GRIK2: variants seen among roughly 807,000 people sequenced by gnomAD.
GRIK2 encodes glutamate ionotropic receptor kainate type subunit 2.
GRIK2 carries 32 observed loss-of-function variants against 100.3 expected under a neutral mutation model. The observed-to-expected ratio is 0.32, with a 90% CI of 0.24 to 0.43. The LOEUF (loss-of-function observed/expected upper bound fraction) is 0.43, where lower values mean the gene tolerates loss of function less well. Among genes scored for constraint, GRIK2 ranks in the 20% least tolerant of loss-of-function variants. The probability of loss-of-function intolerance (pLI) is 1.00; values close to 1 mark genes in which losing one functional copy is unlikely to be tolerated. For missense variants in GRIK2, 843 were observed against 1,114.9 expected (o/e 0.76, Z 3.47); for synonymous variants, 417 against 389.4 (o/e 1.07, Z -0.83).
At chr6:101,975,017 C>T (rs1371093590) in intron 14 of GRIK2, among the ~76,000 whole-genome samples, 1 of 151,824 alleles carries the variant, frequency 6.6e-6, no homozygotes, top group Non-Finnish European at 1.5e-5. Flanking sequence ...AATATTCAAA[C>T]ATGAAAAGAA....
chr6:102,001,103 C>T (rs1020498565), intron 14 of GRIK2, among the ~76,000 whole-genome samples: 2 of 151,746 alleles, frequency 1.3e-5, no homozygotes, highest in Admixed American at 6.6e-5. Context: ...TTTGCCATAA[C>T]ATAACATAAC....
chr6:101,947,579 A>G (rs1289228093), intron 14 of GRIK2, among the ~76,000 whole-genome samples: 1 of 152,152 alleles, frequency 6.6e-6, no homozygotes, highest in African/African-American at 2.4e-5. Context: ...AGCTGAGAAA[A>G]TGTGATATAA....
At chr6:101,738,360 T>C (rs1775813433) in intron 7 of GRIK2, among the ~76,000 whole-genome samples, 1 of 152,170 alleles carries the variant, frequency 6.6e-6, no homozygotes, top group South Asian at 2.1e-4. Flanking sequence ...CTTTAATTCT[T>C]TTCAGAAGCA....
chr6:101,997,738 T>G (rs1037616862), intron 14 of GRIK2, among the ~76,000 whole-genome samples: 4 of 151,972 alleles, frequency 2.6e-5, no homozygotes, highest in African/African-American at 9.7e-5. Flanking sequence ...AAAGTCTTAA[T>G]TACATTCTAT....
intron 2 of GRIK2, among the ~76,000 whole-genome samples, chr6:101,425,425 A>G (rs1213161296): frequency 2.0e-5 from 3 of 152,180 alleles, no homozygotes; most frequent in African/African-American, 7.2e-5. Flanking sequence ...TTCTATAATT[A>G]TATTGCATAA....
chr6:101,395,542 G>A (rs185334625), intron 1 of GRIK2, among the ~76,000 whole-genome samples: 328 of 152,252 alleles, frequency 2.2e-3, no homozygotes, highest in Middle Eastern at 0.02. Flanking sequence ...ACCCCAGCAG[G>A]TGGCAGCTAA....
chr6:101,798,806 T>A, intron 7 of GRIK2, among the ~76,000 whole-genome samples: 1 of 152,268 alleles, frequency 6.6e-6, no homozygotes, highest in African/African-American at 2.4e-5. Flanking sequence ...AGGGTCCATT[T>A]AACACAGCAC....
intron 7 of GRIK2, among the ~76,000 whole-genome samples, chr6:101,727,560 G>T (rs1469268094): frequency 6.6e-6 from 1 of 152,112 alleles, no homozygotes; most frequent in Non-Finnish European, 1.5e-5. Context: ...CATATCACTT[G>T]TTGTACATTA....
intron 9 of GRIK2, among the ~76,000 whole-genome samples, chr6:101,806,843 C>T (rs1306007008): frequency 5.3e-5 from 8 of 151,572 alleles, no homozygotes; most frequent in Non-Finnish European, 1.2e-4. Context: ...ATGCTCTGCC[C>T]TTTTTAATTT....
chr6:101,885,112 C>T (rs1350079314), intron 11 of GRIK2, among the ~76,000 whole-genome samples: 1 of 152,030 alleles, frequency 6.6e-6, no homozygotes, highest in African/African-American at 2.4e-5. Flanking sequence ...ATAATATGTG[C>T]ATTCAAATTT....
intron 4 of GRIK2, among the ~76,000 whole-genome samples, chr6:101,654,656 T>C (rs1279070507): frequency 1.3e-5 from 2 of 152,098 alleles, no homozygotes; most frequent in East Asian, 3.9e-4. Context: ...ATTGCATTGG[T>C]TTTCTATCTC....
intron 3 of GRIK2, among the ~76,000 whole-genome samples, chr6:101,625,123 C>G (rs908088264): frequency 1.3e-5 from 2 of 151,888 alleles, no homozygotes; most frequent in Non-Finnish European, 2.9e-5. Context: ...CCTGTAATCC[C>G]AGCACTTTGG....
At chr6:101,667,609 A>C (rs1770127245) in intron 4 of GRIK2, among the ~76,000 whole-genome samples, 1 of 152,138 alleles carries the variant, frequency 6.6e-6, no homozygotes, top group South Asian at 2.1e-4. Flanking sequence ...ATTTATTTGA[A>C]TGTATCATGG....
intron 14 of GRIK2, among the ~76,000 whole-genome samples, chr6:101,978,639 C>T (rs1489552737): frequency 6.6e-6 from 1 of 151,774 alleles, no homozygotes; most frequent in African/African-American, 2.4e-5. Context: ...GTGTTTTTTT[C>T]TGGTAGAATT....
At chr6:101,957,432 C>A (rs771705075) in intron 14 of GRIK2, among the ~76,000 whole-genome samples, 1 of 151,516 alleles carries the variant, frequency 6.6e-6, no homozygotes, top group African/African-American at 2.4e-5. Flanking sequence ...TTCTTCCATT[C>A]TGTAGGTTAT....
chr6:102,018,848 C>T (rs1201069838), intron 14 of GRIK2, among the ~76,000 whole-genome samples: 1 of 152,022 alleles, frequency 6.6e-6, no homozygotes, highest in Non-Finnish European at 1.5e-5. Context: ...TAGGAAAGAC[C>T]AATTAAATCT....
At chr6:101,613,592 TA>T (rs1779772450) in intron 2 of GRIK2, among the ~76,000 whole-genome samples, 1 of 151,708 alleles carries the variant, frequency 6.6e-6, no homozygotes, top group South Asian at 2.1e-4. Context: ...ATAAACTTTT[TA>T]AACAATAAGC....
chr6:101,756,444 A>ATCTACATTTATAAATGGTTACATTTATAC, intron 7 of GRIK2, among the ~76,000 whole-genome samples: 1 of 148,692 alleles, frequency 6.7e-6, no homozygotes, highest in African/African-American at 2.5e-5. Context: ...TACATTTATA[A>ATCTACATTTATAAATGGTTACATTTATAC]TCTGAAAATA....
At chr6:101,741,765 G>A (rs922865336) in intron 7 of GRIK2, among the ~76,000 whole-genome samples, 1 of 152,140 alleles carries the variant, frequency 6.6e-6, no homozygotes, top group Non-Finnish European at 1.5e-5. Flanking sequence ...TAGCTCAAAT[G>A]TTTTCACTTG....
Sources: allele counts gnomAD v4.1 joint callset (sites outside exome capture counted in the v4.1 genomes callset), GRCh38; gene constraint gnomAD v4.1.1; transcripts MANE v1.5; gene names NCBI Gene and HGNC (gene_info 2026-07-23, HGNC 2026-07-21).